The following KIF5C variants were observed in gnomAD, a reference collection of about 807,000 sequenced individuals.
KIF5C encodes kinesin heavy chain isoform 5C.
KIF5C carries 18 observed loss-of-function variants against 125.2 expected under a neutral mutation model. That is an observed-to-expected ratio of 0.14 (90% CI 0.10 to 0.21). KIF5C has a LOEUF of 0.21. KIF5C is among the 10% of genes least tolerant of loss of function. KIF5C has a pLI of 1.00. For synonymous variants in KIF5C, 405 were observed against 434.0 expected (o/e 0.93, Z 0.83); for missense variants, 780 against 1,183.8 (o/e 0.66, Z 5.01).
intron 21 of KIF5C, among the ~76,000 whole-genome samples, chr2:149,001,410 G>T (rs879913998): frequency 1.3e-5 from 2 of 152,260 alleles, no homozygotes; most frequent in Non-Finnish European, 2.9e-5. Flanking sequence ...TGTCCTGTTG[G>T]GGGCCAGCAG....
chr2:148,901,103 G>C (rs1426302224), intron 1 of KIF5C, among the ~76,000 whole-genome samples: 1 of 152,128 alleles, frequency 6.6e-6, no homozygotes, highest in East Asian at 1.9e-4. Context: ...TGGTTGTTGC[G>C]AGATGTTGCG....
chr2:148,924,342 C>T lies in KIF5C; in HGVS notation c.217+2115C>T, dbSNP rs1019883905. On this transcript the variant is annotated intron_variant, in intron 2 of 25. Transcript: ENST00000435030. This position sits in a 1 kb window ranked among gnomAD's most constrained non-coding sequence, Gnocchi z 4.0. ...GATTTCCGAAGAGCACCATAGTCCC[C>T]GTGATTCCTGATAATGGGTGGACCA... Among the ~76,000 whole-genome samples the T allele has an allele frequency of 2.6e-5, 4 of 152,082 alleles. No individual in the cohort carries two copies. Among genetic ancestry groups the T allele is most frequent in the Non-Finnish European group, 4.4e-5 (3 of 68,018 alleles).
chr2:148,963,219 G>A (rs1221834052), intron 11 of KIF5C, among the ~76,000 whole-genome samples: 1 of 151,810 alleles, frequency 6.6e-6, no homozygotes, highest in African/African-American at 2.4e-5. Flanking sequence ...GGGGAATGGC[G>A]GATAGTTGGA....
intron 18 of KIF5C, 86 bp downstream of exon 18, chr2:148,997,426 C>T (rs1366237023): frequency 1.3e-6 from 2 of 1,594,064 alleles, no homozygotes; most frequent in African/African-American, 2.7e-5. Context: ...AATCTGTCAC[C>T]TTCAGATCCG....
rs867536534 is a variant in KIF5C, at chr2:148,957,611, A to C, written c.969-4360A>C. ...TTCTAGTAAAAAAAAAAAAAAAAAAAAAAAAACAATAAACCTCAGGGCACA... is the reference window on the plus strand; with the variant it reads ...TTCTAGTAAAAAAAAAAAAAAAAAACAAAAAACAATAAACCTCAGGGCACA... On this transcript the variant is annotated intron_variant, in intron 10 of 25. Transcript: ENST00000435030. 4.0e-3 allele frequency among the ~76,000 whole-genome samples: 575 copies of C among 143,470 alleles called. 4 individuals carry two copies. Among genetic ancestry groups the C allele is most frequent in the African/African-American group, 0.014 (540 of 39,956 alleles). The allele number at this position is 143,470 out of a possible 152,430, so 94.1% of individuals were successfully genotyped here.
intron 15 of KIF5C, among the ~76,000 whole-genome samples, chr2:148,987,192 G>A (rs927073228): frequency 6.6e-6 from 1 of 152,180 alleles, no homozygotes; most frequent in Non-Finnish European, 1.5e-5. Context: ...GGTTACAGGA[G>A]GAGCTATGAA....
In KIF5C at chr2:149,006,005, G is replaced by A. The variant is rs139827789; in HGVS notation, c.2445+541G>A. 3.8e-3 allele frequency among the ~76,000 whole-genome samples: 578 copies of A among 152,322 alleles called. 2 individuals carry two copies. The highest frequency in any genetic ancestry group is 5.8e-3 in the Non-Finnish European group (392 of 68,030). On this transcript the variant is annotated intron_variant, in intron 22 of 25. Transcript: ENST00000435030. Reference sequence around the variant, plus strand: ...AAATAACTTACCCAATATTGCACTGGTGGGAAGAGCCAGAGATAGGTCTGG... The same window carrying A: ...AAATAACTTACCCAATATTGCACTGATGGGAAGAGCCAGAGATAGGTCTGG...
chr2:148,956,562 T>C (rs1184840693), intron 10 of KIF5C, among the ~76,000 whole-genome samples: 2 of 152,326 alleles, frequency 1.3e-5, no homozygotes, highest in African/African-American at 4.8e-5. Flanking sequence ...GGGGCATGCC[T>C]AGATCATATA....
intron 10 of KIF5C, among the ~76,000 whole-genome samples, chr2:148,960,643 G>T (rs1043006285): frequency 6.6e-6 from 1 of 152,134 alleles, no homozygotes; most frequent in Non-Finnish European, 1.5e-5. Flanking sequence ...TTTGACAGTT[G>T]GGTTATTTAG....
At chr2:148,958,620 T>C (rs1022873618) in intron 10 of KIF5C, among the ~76,000 whole-genome samples, 5 of 152,212 alleles carry the variant, frequency 3.3e-5, no homozygotes, top group Admixed American at 2.6e-4. Context: ...GTCTTAATGG[T>C]GGCTTCTAAT....
intron 10 of KIF5C, among the ~76,000 whole-genome samples, chr2:148,952,255 G>A (rs755981606): frequency 2.0e-5 from 3 of 152,040 alleles, no homozygotes; most frequent in Non-Finnish European, 2.9e-5. Context: ...ATTTATAAAG[G>A]AAACATCTCT....
At chr2:148,946,639 A>G (rs992761582) in intron 7 of KIF5C, among the ~76,000 whole-genome samples, 5 of 152,238 alleles carry the variant, frequency 3.3e-5, no homozygotes, top group African/African-American at 1.2e-4. Context: ...AGGTAGAGCT[A>G]GAAAATCTGA....
chr2:148,904,337 A>C (rs1681018476), intron 1 of KIF5C, among the ~76,000 whole-genome samples: 1 of 152,226 alleles, frequency 6.6e-6, no homozygotes, highest in Non-Finnish European at 1.5e-5. Context: ...TCTGCCACTT[A>C]CAATAGATCC....
At chr2:148,939,011 C>T (rs1682349042) in intron 4 of KIF5C, among the ~76,000 whole-genome samples, 1 of 150,932 alleles carries the variant, frequency 6.6e-6, no homozygotes, top group African/African-American at 2.4e-5. Context: ...ACGAGAATCA[C>T]TTGAACCTGG....
chr2:148,945,609 G>C (rs1486314638), intron 7 of KIF5C, among the ~76,000 whole-genome samples: 1 of 152,084 alleles, frequency 6.6e-6, no homozygotes, highest in Non-Finnish European at 1.5e-5. Context: ...GGTTACATGA[G>C]TAAGTTCTTT....
chr2:148,894,459 C>T (rs1201234984), intron 1 of KIF5C, among the ~76,000 whole-genome samples: 1 of 152,162 alleles, frequency 6.6e-6, no homozygotes, highest in Non-Finnish European at 1.5e-5. Flanking sequence ...AAATGGACCA[C>T]ACTTAAAATT....
At chr2:149,009,815 T>C (rs1412250207) in intron 23 of KIF5C, among the ~76,000 whole-genome samples, 1 of 152,152 alleles carries the variant, frequency 6.6e-6, no homozygotes, top group Non-Finnish European at 1.5e-5. Context: ...TGGTCGATTT[T>C]CTCACACAAT....
At chr2:148,892,039 C>T (rs1024066959) in intron 1 of KIF5C, among the ~76,000 whole-genome samples, 4 of 152,158 alleles carry the variant, frequency 2.6e-5, no homozygotes, top group African/African-American at 9.7e-5. Context: ...CTGCTCTTGT[C>T]ATTTTCCCTC....
At chr2:148,921,793 T>C (rs1012943938) in intron 1 of KIF5C, among the ~76,000 whole-genome samples, 7 of 147,388 alleles carry the variant, frequency 4.7e-5, no homozygotes, top group Non-Finnish European at 1.0e-4. Context: ...CAAGACTGTT[T>C]TGTGATTTTT....
Sources: gnomAD v4.1 joint callset for allele counts (sites outside exome capture counted in the v4.1 genomes callset) on GRCh38, gnomAD v4.1.1 for gene constraint, Gnocchi (gnomAD v3.1) non-coding constraint, MANE v1.5 for transcripts, NCBI Gene and HGNC (gene_info 2026-07-23, HGNC 2026-07-21) for gene names.